The following ARFGEF1 variants were observed in gnomAD, a reference collection of about 807,000 sequenced individuals.
ARFGEF1 encodes the protein brefeldin A-inhibited guanine nucleotide-exchange protein 1.
In ARFGEF1, 42 loss-of-function variants were observed where a neutral mutation model predicts 231.0. The observed-to-expected ratio is 0.18, with a 90% CI of 0.14 to 0.24. The LOEUF (loss-of-function observed/expected upper bound fraction) is 0.24, where lower values mean the gene tolerates loss of function less well. Ranked by LOEUF, ARFGEF1 falls within the 10% of genes least tolerant of loss-of-function variation. ARFGEF1 has a pLI of 1.00. For synonymous variants in ARFGEF1, 710 were observed against 732.3 expected (o/e 0.97, Z 0.49); for missense variants, 1,345 against 2,192.0 (o/e 0.61, Z 7.72).
At position 67,218,153 on chromosome 8, in the gene ARFGEF1, C is replaced by T. The variant is rs778049725; in HGVS notation, c.4339-15G>A. On this transcript the variant is annotated splice_polypyrimidine_tract_variant and intron_variant, in intron 30 of 38. Coordinates refer to ENST00000262215, the MANE Select transcript of ARFGEF1 (RefSeq NM_006421.5). ...CATTCAGCTTTCTGGGGAAAAAAGT[C>T]ATTAATGAACATCACGCCATTAATC... 4 of 1,311,428 alleles carry T rather than the reference C, an allele frequency of 3.1e-6. No homozygotes were observed. Among genetic ancestry groups the T allele is most frequent in the African/African-American group, 3.4e-5 (2 of 59,258 alleles). 81.2% of individuals were successfully genotyped at this position (1,311,428 alleles called of 1,614,324 possible). A position where few individuals can be genotyped will look rare whatever the true frequency, so the allele number is the denominator to read the frequency against.
intron 1 of ARFGEF1, among the ~76,000 whole-genome samples, chr8:67,317,634 G>T (rs1364612232): frequency 6.6e-6 from 1 of 151,472 alleles, no homozygotes; most frequent in Non-Finnish European, 1.5e-5. Flanking sequence ...AAAAAGGTTG[G>T]GAGCGGTGGC....
chr8:67,282,748 TGAA>T (rs1263210330), intron 7 of ARFGEF1, among the ~76,000 whole-genome samples: 15 of 151,002 alleles, frequency 9.9e-5, no homozygotes, highest in African/African-American at 1.2e-4. Flanking sequence ...CTCAAGAGGC[TGAA>T]GAAGAAGAAC....
At chr8:67,244,728 T>C (rs1438978162) in intron 19 of ARFGEF1, among the ~76,000 whole-genome samples, 1 of 150,164 alleles carries the variant, frequency 6.7e-6, no homozygotes, top group Non-Finnish European at 1.5e-5. Context: ...CTATAAAATC[T>C]GGAAAATAGT....
chr8:67,215,652 A>C (rs1468954026), intron 33 of ARFGEF1, among the ~76,000 whole-genome samples: 1 of 152,152 alleles, frequency 6.6e-6, no homozygotes, highest in Non-Finnish European at 1.5e-5. Flanking sequence ...AATAATGCCA[A>C]AGGTTGTCAA....
chr8:67,272,168 A>C (rs1280159628), intron 9 of ARFGEF1, among the ~76,000 whole-genome samples: 1 of 152,084 alleles, frequency 6.6e-6, no homozygotes, highest in African/African-American at 2.4e-5. Context: ...TAATTTCACA[A>C]ACTTTTTAAA....
At chr8:67,311,116 G>T (rs1807010033) in intron 1 of ARFGEF1, among the ~76,000 whole-genome samples, 1 of 149,016 alleles carries the variant, frequency 6.7e-6, no homozygotes, top group Non-Finnish European at 1.5e-5. Flanking sequence ...GAGGTGGGGG[G>T]GTCAGCCCCG....
chr8:67,200,102 G>A, intron 38 of ARFGEF1: 1 of 394,252 alleles, frequency 2.5e-6, no homozygotes, highest in South Asian at 2.0e-5. Context: ...GGCAAAGGGG[G>A]AGATTCCTGG....
chr8:67,264,583 A>T (rs1363074711), intron 14 of ARFGEF1, among the ~76,000 whole-genome samples: 1 of 152,134 alleles, frequency 6.6e-6, no homozygotes, highest in African/African-American at 2.4e-5. Context: ...AGAAAGAAAA[A>T]ACAGCCCACA....
chr8:67,251,440 A>G lies in ARFGEF1; in HGVS notation c.2709T>C (p.Ser903=). Residue 903 remains serine, a synonymous_variant, in exon 19 of 39, where the codon AGT becomes AGC. Coordinates refer to ENST00000262215, the MANE Select transcript of ARFGEF1 (RefSeq NM_006421.5). ...PTKSSKQNVA[S]EKQRRLLYNL... ...TATACAGAAGTCTTCTTTGTTTTTC[A>G]CTGGCTACATCTGAAACAATAAACA... The G allele has an allele frequency of 6.2e-7, 1 of 1,605,402 alleles. No individual in the cohort carries two copies. Among genetic ancestry groups the G allele is most frequent in the African/African-American group, 1.3e-5 (1 of 74,686 alleles).
intron 36 of ARFGEF1, among the ~76,000 whole-genome samples, chr8:67,202,763 T>C (rs2129577304): frequency 6.6e-6 from 1 of 152,292 alleles, no homozygotes; most frequent in African/African-American, 2.4e-5. Context: ...CTTTTACACA[T>C]ATTTATTTCC....
At chr8:67,230,436 C>A (rs1036331305) in intron 23 of ARFGEF1, among the ~76,000 whole-genome samples, 1 of 152,066 alleles carries the variant, frequency 6.6e-6, no homozygotes, top group African/African-American at 2.4e-5. Context: ...TGGATCAAAT[C>A]AATTTTTAAA....
At chr8:67,193,623 G>C (rs901756241), downstream of ARFGEF1, 10 of 1,600,610 alleles carry the variant, frequency 6.2e-6, no homozygotes, top group Admixed American at 3.3e-5. Context: ...AAGTGTAATG[G>C]CCTATAGTAG....
At chr8:67,232,383 A>G (rs1040561287) in intron 23 of ARFGEF1, among the ~76,000 whole-genome samples, 1 of 152,018 alleles carries the variant, frequency 6.6e-6, no homozygotes, top group Non-Finnish European at 1.5e-5. Flanking sequence ...CAAACTAAAA[A>G]TGGGGAATAT....
intron 10 of ARFGEF1, among the ~76,000 whole-genome samples, chr8:67,269,905 TTAAA>T (rs1805004810): frequency 6.6e-6 from 1 of 152,048 alleles, no homozygotes; most frequent in African/African-American, 2.4e-5. Context: ...TAATCTCAAC[TTAAA>T]TAATTTTTGA....
chr8:67,314,429 A>C (rs2128923786), intron 1 of ARFGEF1, among the ~76,000 whole-genome samples: 1 of 152,228 alleles, frequency 6.6e-6, no homozygotes, highest in East Asian at 1.9e-4. Context: ...GGACCCAGCA[A>C]GCTCCCAGGG....
In ARFGEF1 at chr8:67,197,756, G is replaced by A. The variant is rs1255590124; in HGVS notation, c.*1178C>T. The A allele has an allele frequency of 1.0e-6, 1 of 985,654 alleles. No individual in the cohort carries two copies. The highest frequency in any genetic ancestry group is 1.1e-4 in the East Asian group (1 of 8,824). The allele number at this position is 985,654 out of a possible 1,614,324, so 61.1% of individuals were successfully genotyped here. ...TCAATATTGTACAGAAAGTTGTACAGAATTTTTTACATAGAAAACTTTACA... is the reference window on the plus strand; with the variant it reads ...TCAATATTGTACAGAAAGTTGTACAAAATTTTTTACATAGAAAACTTTACA... On this transcript the variant is annotated 3_prime_UTR_variant, in exon 39 of 39. Transcript: ENST00000262215.
intron 29 of ARFGEF1, among the ~76,000 whole-genome samples, chr8:67,222,176 T>C (rs1377333488): frequency 9.2e-6 from 1 of 108,658 alleles, no homozygotes; most frequent in Non-Finnish European, 1.8e-5. Context: ...TATATATATA[T>C]ATACACATAT....
At chr8:67,339,773 G>A (rs867964615) in intron 1 of ARFGEF1, among the ~76,000 whole-genome samples, 6 of 49,540 alleles carry the variant, frequency 1.2e-4, no homozygotes, top group African/African-American at 5.1e-4. Context: ...CTTATCAGTT[G>A]TAACAGTGTA....
At chr8:67,212,802 T>C (rs56322915) in intron 33 of ARFGEF1, among the ~76,000 whole-genome samples, 2,390 of 152,320 alleles carry the variant, frequency 0.016, 57 homozygotes, top group African/African-American at 0.053. Flanking sequence ...GAATTAAAAA[T>C]GTATTATCTT....
Sources: allele counts gnomAD v4.1 joint callset (sites outside exome capture counted in the v4.1 genomes callset), GRCh38; gene constraint gnomAD v4.1.1; transcripts MANE v1.5; gene names NCBI Gene and HGNC (gene_info 2026-07-23, HGNC 2026-07-21).